MSRA: variants seen among roughly 807,000 people sequenced by gnomAD.
MSRA encodes the protein mitochondrial peptide methionine sulfoxide reductase.
Under a neutral mutation model 31.3 loss-of-function variants are expected in MSRA, and 54 were observed. The observed-to-expected ratio is 1.73, with a 90% CI of 1.39 to 2.17. The LOEUF is 2.17. MSRA is among the 30% of genes most tolerant of loss of function. MSRA has a pLI of 0.00. For synonymous variants in MSRA, 169 were observed against 116.5 expected, an observed-to-expected ratio of 1.45 and a Z score of -2.90; for missense variants, 507 against 300.9, an observed-to-expected ratio of 1.69 and a Z score of -5.07.
chr8:10,327,347 C>A (rs958968722), intron 5 of MSRA, among the ~76,000 whole-genome samples: 1 of 152,132 alleles, frequency 6.6e-6, no homozygotes, highest in Non-Finnish European at 1.5e-5. Flanking sequence ...AACTATCTAG[C>A]AATTTATTAT....
intron 5 of MSRA, among the ~76,000 whole-genome samples, chr8:10,412,253 T>C (rs2129189378): frequency 6.6e-6 from 1 of 152,344 alleles, no homozygotes; most frequent in African/African-American, 2.4e-5. Flanking sequence ...TTCTTAAGTG[T>C]TTCTTAATTT....
At chr8:10,313,363 G>A (rs1316435955) in intron 4 of MSRA, among the ~76,000 whole-genome samples, 1 of 151,954 alleles carries the variant, frequency 6.6e-6, no homozygotes, top group African/African-American at 2.4e-5. Context: ...TAACTGCTTT[G>A]CATGATTATG....
intron 4 of MSRA, among the ~76,000 whole-genome samples, chr8:10,319,032 C>T (rs1246146899): frequency 6.6e-6 from 1 of 152,212 alleles, no homozygotes; most frequent in East Asian, 1.9e-4. Context: ...TAGGCCCCTT[C>T]CCCACTGATC....
rs1554468813 is a variant in MSRA at position 10,155,002 on chromosome 8, T to TATATATATATATATATATATATA, written c.143-52831_143-52830insATATATATATATATATATATATA. 9.2e-4 allele frequency among the ~76,000 whole-genome samples: 114 copies of TATATATATATATATATATATATA among 123,966 alleles called. 10 individuals are homozygous for TATATATATATATATATATATATA. The East Asian group carries it at 9.9e-3, about 11-fold the overall frequency. The allele number at this position is 123,966 out of a possible 152,430, so 81.3% of individuals were successfully genotyped here. A position where few individuals can be genotyped will look rare whatever the true frequency, so the allele number is the denominator to read the frequency against. On this transcript the variant is annotated intron_variant, in intron 1 of 5. Coordinates refer to ENST00000317173, the MANE Select transcript of MSRA (RefSeq NM_012331.5). The stretch of plus-strand genomic sequence containing the variant: ...AATAGTTTGATAATGTGTATATATT[T>TATATATATATATATATATATATA]TATATATATATAGGTTTTACCTTGC...
intron 3 of MSRA, among the ~76,000 whole-genome samples, chr8:10,284,495 G>A (rs536085261): frequency 4.0e-4 from 61 of 152,176 alleles, no homozygotes; most frequent in Non-Finnish European, 5.1e-4. Flanking sequence ...TGCCCGGCAC[G>A]GAATGAATCA....
chr8:10,102,006 T>G (rs1799560540), intron 1 of MSRA, among the ~76,000 whole-genome samples: 1 of 152,338 alleles, frequency 6.6e-6, no homozygotes, highest in East Asian at 1.9e-4. Context: ...CTGCTGTCAT[T>G]TGAATTGTTT....
At chr8:10,060,727 G>T (rs1366748166) in intron 1 of MSRA, among the ~76,000 whole-genome samples, 1 of 150,958 alleles carries the variant, frequency 6.6e-6, no homozygotes, top group Non-Finnish European at 1.5e-5. Context: ...ATTTTGGCGT[G>T]ATTGAAAAAT....
rs560471293 is a variant in MSRA, at chr8:10,235,972, T to G, written c.212-9132T>G. Among the ~76,000 whole-genome samples, 6 of 152,314 alleles carry G rather than the reference T, an allele frequency of 3.9e-5. No individual in the cohort carries two copies. In the South Asian group the frequency reaches 1.2e-3, roughly 32 times the overall value. ...TGAGTAGGTAAGATTTACTGAAAGA[T>G]GATTTAGAAAAATCTGTTAATGTAA... On this transcript the variant is annotated intron_variant, in intron 2 of 5. Transcript: ENST00000317173.
chr8:10,428,007 G>C (rs922604632), intron 5 of MSRA, 141 bp from the exon 6 acceptor site: 1 of 794,426 alleles, frequency 1.3e-6, no homozygotes, highest in Admixed American at 3.3e-5. Flanking sequence ...CTTGGAATGC[G>C]GAGAGCCCGG....
chr8:10,212,202 T>C (rs994267096), intron 2 of MSRA, among the ~76,000 whole-genome samples: 2 of 151,808 alleles, frequency 1.3e-5, no homozygotes, highest in Non-Finnish European at 2.9e-5. Context: ...AAAAAAAATT[T>C]AAACTTTACT....
chr8:10,134,287 A>G (rs1239428620), intron 1 of MSRA, among the ~76,000 whole-genome samples: 1 of 151,858 alleles, frequency 6.6e-6, no homozygotes, highest in Non-Finnish European at 1.5e-5. Flanking sequence ...ACCACGTAAG[A>G]CAATGGGAAA....
intron 2 of MSRA, among the ~76,000 whole-genome samples, chr8:10,226,156 C>T (rs1810981621): frequency 6.6e-6 from 1 of 152,154 alleles, no homozygotes; most frequent in African/African-American, 2.4e-5. Flanking sequence ...GGTGACTGTT[C>T]AGGTGACTAT....
intron 1 of MSRA, among the ~76,000 whole-genome samples, chr8:10,195,714 T>C (rs1271750461): frequency 6.6e-6 from 1 of 152,208 alleles, no homozygotes; most frequent in East Asian, 1.9e-4. Flanking sequence ...CCTCTTTTCT[T>C]CTTAAAGTCA....
At chr8:10,393,637 T>C (rs1470356569) in intron 5 of MSRA, among the ~76,000 whole-genome samples, 3 of 152,168 alleles carry the variant, frequency 2.0e-5, no homozygotes, top group Non-Finnish European at 4.4e-5. Context: ...GTGCATGTGA[T>C]TATAGCGCGG....
chr8:10,181,707 G>A (rs570919723), intron 1 of MSRA, among the ~76,000 whole-genome samples: 1 of 152,200 alleles, frequency 6.6e-6, no homozygotes, highest in Non-Finnish European at 1.5e-5. Flanking sequence ...AGATGAACTT[G>A]CTGGGTCATG....
At chr8:10,345,716 C>T (rs1038854685) in intron 5 of MSRA, among the ~76,000 whole-genome samples, 2 of 152,130 alleles carry the variant, frequency 1.3e-5, no homozygotes, top group Non-Finnish European at 1.5e-5. Context: ...GTGCGTTATT[C>T]GGGTTTCTGT....
At chr8:10,170,385 C>T (rs1490705598) in intron 1 of MSRA, among the ~76,000 whole-genome samples, 1 of 152,088 alleles carries the variant, frequency 6.6e-6, no homozygotes, top group Non-Finnish European at 1.5e-5. Flanking sequence ...GATGTGAGAA[C>T]ACAGTGAGAA....
chr8:10,235,705 G>C (rs998150546), intron 2 of MSRA, among the ~76,000 whole-genome samples: 3 of 152,038 alleles, frequency 2.0e-5, no homozygotes, highest in Admixed American at 6.6e-5. Context: ...CCAAAGTCCA[G>C]GTGCTTCAGG....
At chr8:10,297,990 T>G (rs1178446795) in intron 3 of MSRA, among the ~76,000 whole-genome samples, 1 of 152,204 alleles carries the variant, frequency 6.6e-6, no homozygotes, top group African/African-American at 2.4e-5. Context: ...GTTTCTCCAT[T>G]CAGAAGCTCA....
Sources: allele counts gnomAD v4.1 joint callset (sites outside exome capture counted in the v4.1 genomes callset), GRCh38; gene constraint gnomAD v4.1.1; transcripts MANE v1.5; gene names NCBI Gene and HGNC (gene_info 2026-07-23, HGNC 2026-07-21).